The following CENPF variants were observed in gnomAD, a reference collection of about 807,000 sequenced individuals.
CENPF encodes the protein centromere protein F, also known as AH antigen.
Under a neutral mutation model 307.3 loss-of-function variants are expected in CENPF, and 214 were observed. The ratio of observed to expected loss-of-function variants is 0.70; its 90% CI spans 0.62 to 0.78. The LOEUF is 0.78. Ranked by LOEUF, CENPF falls within the 30% of genes least tolerant of loss-of-function variation. The probability of loss-of-function intolerance (pLI) is 0.00; values close to 1 mark genes in which losing one functional copy is unlikely to be tolerated. For missense variants in CENPF, 3,401 were observed against 3,483.9 expected (o/e 0.98, Z 0.60); for synonymous variants, 1,259 against 1,270.6 (o/e 0.99, Z 0.19).
At position 214,631,161 on chromosome 1, in the gene CENPF, G is replaced by C. The variant is rs1657797662; in HGVS notation, c.1323+499G>C. 1.3e-5 allele frequency among the ~76,000 whole-genome samples: 2 copies of C among 152,300 alleles called. 1 individual carries two copies. The highest frequency in any genetic ancestry group is 4.1e-4 in the South Asian group (2 of 4,826). ...AAGGCACTTCATAGTAACATGCTAAGAATTGAACTCTAGGTATTTTTCTTT... is the reference window on the plus strand; with the variant it reads ...AAGGCACTTCATAGTAACATGCTAACAATTGAACTCTAGGTATTTTTCTTT... On this transcript the variant is annotated intron_variant, in intron 9 of 19. Transcript: ENST00000366955.
chr1:214,647,992 A>T (rs1288917264), intron 13 of CENPF: 1 of 501,262 alleles, frequency 2.0e-6, no homozygotes, highest in Non-Finnish European at 4.0e-6. Context: ...AAGATCTGCC[A>T]TCAAGAGGCT....
Position 214,648,760 on chromosome 1 carries a change from T to G in CENPF, c.7916T>G (p.Leu2639Arg). 6.2e-7 allele frequency: 1 copy of G among 1,613,984 alleles called. No homozygotes were observed. Among genetic ancestry groups the G allele is most frequent in the South Asian group, 1.1e-5 (1 of 91,068 alleles). The change falls in exon 14 of 20, where the codon CTC becomes CGC. Residue 2639 changes from leucine (L) to arginine (R), a missense_variant. By Grantham distance (102) the Leu-to-Arg change is moderately radical. Transcript: ENST00000366955. ...AQKTAELQEE[L>R]SGEKNRLAGE... ...AAAACAGCAGAGCTGCAAGAAGAAC[T>G]CAGTGGAGAGAAAAATAGGCTAGCT... is the stretch of plus-strand genomic sequence containing the variant.
At chr1:214,660,769 C>T (rs1421346274) in intron 19 of CENPF, among the ~76,000 whole-genome samples, 1 of 152,200 alleles carries the variant, frequency 6.6e-6, no homozygotes, top group Non-Finnish European at 1.5e-5. Context: ...TATGCCTCCA[C>T]TGTCTTTAGG....
rs1658743280 is a variant in CENPF, at chr1:214,659,713, A to T, written c.9141+685A>T. Among the ~76,000 whole-genome samples the T allele has an allele frequency of 6.6e-6, 1 of 152,226 alleles. No individual in the cohort carries two copies. Among genetic ancestry groups the T allele is most frequent in the African/African-American group, 2.4e-5 (1 of 41,458 alleles). ...CTTTCTCATTTTATTGAACTCTCAC[A>T]GTAAGTGGTATTATAAAAGAGTGAA... On this transcript the variant is annotated intron_variant, in intron 19 of 19. Transcript: ENST00000366955. This position sits in a 1 kb window ranked among gnomAD's most constrained non-coding sequence, Gnocchi z 4.4.
rs765373633 is a variant in CENPF at position 214,619,219 on chromosome 1, A to C, written c.572A>C (p.Lys191Thr). 20 of 1,473,946 alleles carry C rather than the reference A, an allele frequency of 1.4e-5. No homozygotes were observed. Among genetic ancestry groups the C allele is most frequent in the Non-Finnish European group, 1.6e-5 (17 of 1,061,672 alleles). The allele number at this position is 1,473,946 out of a possible 1,614,324, so 91.3% of individuals were successfully genotyped here. ...LEAEVKALQA[K>T]KASQTLPQAT... ...GCAGAGGTTAAAGCCTTGCAGGCTA[A>C]AGTAAGTTAATTATGGGCCCTATAA... Residue 191 changes from lysine (K) to threonine (T), a missense_variant and splice_region_variant, in exon 5 of 20, where the codon AAA (lysine) becomes ACA (threonine). Transcript: ENST00000366955.
At position 214,664,401 on chromosome 1, in the gene CENPF, G is replaced by C. The variant is rs974802361; in HGVS notation, c.*607G>C. The C allele has an allele frequency of 3.9e-5, 6 of 152,338 alleles. No individual in the cohort carries two copies. The highest frequency in any genetic ancestry group is 1.4e-4 in the African/African-American group (6 of 41,448). 9.4% of individuals were successfully genotyped at this position (152,338 alleles called of 1,614,324 possible). On this transcript the variant is annotated 3_prime_UTR_variant, in exon 20 of 20. Transcript: ENST00000366955. ...GTGTGTGGGTATGTGTTTATTTCCA[G>C]TGAGGGCTGCAGGCTTCCTAGAGGT...
At position 214,629,460 on chromosome 1, in the gene CENPF, T is replaced by C. The variant is rs143732872; in HGVS notation, c.1194+289T>C. Among the ~76,000 whole-genome samples, 208 of 152,344 alleles carry C rather than the reference T, an allele frequency of 1.4e-3. 2 individuals carry two copies. Among genetic ancestry groups the C allele is most frequent in the African/African-American group, 4.8e-3 (200 of 41,580 alleles). On this transcript the variant is annotated intron_variant, in intron 8 of 19. Coordinates refer to ENST00000366955, the MANE Select transcript of CENPF (RefSeq NM_016343.4). Reference sequence around the variant, plus strand: ...GTAGGAAAGGATCACTTTTCTTCTTTTGGACATTTTCTCTGCTGTGGAGGA... The same window carrying C: ...GTAGGAAAGGATCACTTTTCTTCTTCTGGACATTTTCTCTGCTGTGGAGGA...
chr1:214,661,263 C>T (rs771523813), intron 19 of CENPF, among the ~76,000 whole-genome samples: 23 of 152,144 alleles, frequency 1.5e-4, no homozygotes, highest in Non-Finnish European at 3.4e-4. Context: ...CTTTTGAGAG[C>T]AGTTATAGGA....
At position 214,622,237 on chromosome 1, in the gene CENPF, GA is replaced by G. The variant is rs1064795215; in HGVS notation, c.1026del (p.Glu342AspfsTer2). 1 of 1,614,066 alleles carries G rather than the reference GA, an allele frequency of 6.2e-7. No individual in the cohort carries two copies. ...GAAAGTTTTGAACAAATGTAGGGAT[GA>G]ACTAGTGAGAACAACAGCACAATAC... is the stretch of plus-strand genomic sequence containing the variant. Reference protein sequence around the residue: ...KEKVLNKCRDELVRTTAQYDQ... With the variant: ...KEKVLNKCRDXLVRTTAQYDQ... On this transcript the variant is annotated frameshift_variant, in exon 7 of 20. Coordinates refer to ENST00000366955, the MANE Select transcript of CENPF (RefSeq NM_016343.4). LOFTEE classifies it high-confidence loss of function.
intron 3 of CENPF, among the ~76,000 whole-genome samples, chr1:214,618,289 G>A (rs1657413113): frequency 6.6e-6 from 1 of 152,150 alleles, no homozygotes; most frequent in African/African-American, 2.4e-5. Flanking sequence ...CACTGTCATA[G>A]TGGTTATTAT....
chr1:214,663,498 C>T (rs1052845834), intron 19 of CENPF, 93 bp from the exon 20 acceptor site: 1 of 1,244,574 alleles, frequency 8.0e-7, no homozygotes, highest in African/African-American at 1.5e-5. Context: ...AGAAGAAGAA[C>T]TTAATTTAAA....
At position 214,618,711 on chromosome 1, in the gene CENPF, C is replaced by G; in HGVS notation, c.481+17C>G. On this transcript the variant is annotated intron_variant, in intron 4 of 19. Coordinates refer to ENST00000366955, the MANE Select transcript of CENPF (RefSeq NM_016343.4). The stretch of plus-strand genomic sequence containing the variant: ...ATTATAGTGGTAATGCATTTTCTTC[C>G]TTGGTATAGACAGCTTTTTGTTTAG... 1 of 1,608,878 alleles carries G rather than the reference C, an allele frequency of 6.2e-7. No individual in the cohort carries two copies.
intron 16 of CENPF, 112 bp downstream of exon 16, chr1:214,653,101 G>A: frequency 9.7e-7 from 1 of 1,033,040 alleles, no homozygotes; most frequent in Non-Finnish European, 1.5e-6. Flanking sequence ...ATTTTTGGTA[G>A]TCAAAAATGA....
chr1:214,607,323 G>C (rs1260658374), intron 1 of CENPF, among the ~76,000 whole-genome samples: 2 of 152,212 alleles, frequency 1.3e-5, no homozygotes, highest in African/African-American at 2.4e-5. Flanking sequence ...GTGGCAGCAG[G>C]ACAGATGGCC....
At chr1:214,624,477 C>T (rs1027070458) in intron 7 of CENPF, among the ~76,000 whole-genome samples, 3 of 151,606 alleles carry the variant, frequency 2.0e-5, no homozygotes, top group Non-Finnish European at 4.4e-5. Flanking sequence ...TAAAATTATC[C>T]ATTTCATATT....
chr1:214,606,204 G>T (rs1238890213), intron 1 of CENPF: 9 of 948,004 alleles, frequency 9.5e-6, no homozygotes, highest in Non-Finnish European at 1.2e-5. Context: ...AAGTCAGTGG[G>T]TCAGGCCCAG....
At chr1:214,609,552 T>G (rs1311179037) in intron 1 of CENPF, among the ~76,000 whole-genome samples, 3 of 152,206 alleles carry the variant, frequency 2.0e-5, no homozygotes, top group Non-Finnish European at 1.5e-5. Context: ...AGGACCTATT[T>G]CACCTGAAAA....
rs75343450 is a variant in CENPF, at chr1:214,637,191, C to T, written c.1447-675C>T. Among the ~76,000 whole-genome samples the T allele has an allele frequency of 2.4e-3, 358 of 152,290 alleles. 1 individual carries two copies. The highest frequency in any genetic ancestry group is 8.4e-3 in the African/African-American group (350 of 41,558). Reference sequence around the variant, plus strand: ...CTCTGTGTTCCAGCCCTCTGATTTCCCATAGCACACTCAATGTCTCTTTAG... The same window carrying T: ...CTCTGTGTTCCAGCCCTCTGATTTCTCATAGCACACTCAATGTCTCTTTAG... On this transcript the variant is annotated intron_variant, in intron 10 of 19. Coordinates refer to ENST00000366955, the MANE Select transcript of CENPF (RefSeq NM_016343.4).
chr1:214,650,201 G>A (rs540357045), intron 14 of CENPF, among the ~76,000 whole-genome samples: 2 of 152,244 alleles, frequency 1.3e-5, no homozygotes, highest in East Asian at 1.9e-4. Context: ...ACCAGGCAGT[G>A]GTGGGGAGCC....
Sources: gnomAD v4.1 joint callset for allele counts (sites outside exome capture counted in the v4.1 genomes callset) on GRCh38, gnomAD v4.1.1 for gene constraint, Gnocchi (gnomAD v3.1) non-coding constraint, MANE v1.5 for transcripts, NCBI Gene and HGNC (gene_info 2026-07-23, HGNC 2026-07-21) for gene names.